The following CHD9 variants were observed in gnomAD, a reference collection of about 807,000 sequenced individuals.
The protein encoded by CHD9 is ATP-dependent chromatin remodeler CHD9.
A neutral mutation model predicts 316.1 loss-of-function variants in CHD9; 77 were observed. The ratio of observed to expected loss-of-function variants is 0.24; its 90% CI spans 0.20 to 0.29. The LOEUF (loss-of-function observed/expected upper bound fraction) is 0.29. Ranked by LOEUF, CHD9 falls within the 10% of genes least tolerant of loss-of-function variation. CHD9 has a pLI of 1.00. For missense variants in CHD9, 2,763 were observed against 3,438.1 expected (o/e 0.80, Z 4.91); for synonymous variants, 1,129 against 1,158.3 (o/e 0.97, Z 0.51).
At chr16:53,279,023 G>A (rs2053146519) in intron 24 of CHD9, among the ~76,000 whole-genome samples, 2 of 152,130 alleles carry the variant, frequency 1.3e-5, no homozygotes, top group Admixed American at 6.5e-5. Flanking sequence ...ATACCCAAAG[G>A]ATTATAAAAC....
At chr16:53,072,324 T>TA (rs1044827050) in intron 1 of CHD9, among the ~76,000 whole-genome samples, 6 of 151,660 alleles carry the variant, frequency 4.0e-5, no homozygotes, top group Non-Finnish European at 7.4e-5. Context: ...ATAAGTCTTT[T>TA]TTTTTTTTTA....
chr16:53,127,683 G>A (rs1450646169), intron 1 of CHD9, among the ~76,000 whole-genome samples: 2 of 152,156 alleles, frequency 1.3e-5, no homozygotes, highest in African/African-American at 4.8e-5. Context: ...CACTTTGAGA[G>A]GCTGAGGTGG....
intron 2 of CHD9, among the ~76,000 whole-genome samples, chr16:53,207,341 T>A (rs139802938): frequency 4.3e-4 from 66 of 152,314 alleles, no homozygotes; most frequent in African/African-American, 1.6e-3. Flanking sequence ...AACTCATCAG[T>A]GCAGTTAAAA....
Position 53,315,011 on chromosome 16 carries a change from G to A in CHD9, c.7551G>A (p.Pro2517=), listed in dbSNP as rs781661238. The A allele has an allele frequency of 1.2e-5, 20 of 1,613,592 alleles. No homozygotes were observed. Among genetic ancestry groups the A allele is most frequent in the East Asian group, 1.1e-4 (5 of 44,854 alleles). Residue 2517 remains proline (P), a synonymous_variant, in exon 36 of 39, where the codon CCG becomes CCA. Transcript: ENST00000447540. ...KDLEKWLKEH[P]GYVEDLGAFI... The stretch of plus-strand genomic sequence containing the variant: ...TGGAAAAATGGCTTAAGGAGCACCC[G>A]GGTTATGTGGAAGATTTGGGAGCTT...
At chr16:53,092,322 A>G (rs2036015578) in intron 1 of CHD9, among the ~76,000 whole-genome samples, 1 of 152,216 alleles carries the variant, frequency 6.6e-6, no homozygotes, top group Non-Finnish European at 1.5e-5. Context: ...TTATTTAAAT[A>G]TACTTTTAAC....
chr16:53,256,957 T>C (rs1391326788), intron 19 of CHD9, among the ~76,000 whole-genome samples: 2 of 152,096 alleles, frequency 1.3e-5, no homozygotes, highest in Non-Finnish European at 2.9e-5. Context: ...GACTAATAAA[T>C]TCTTGTGTCA....
Position 53,304,183 on chromosome 16 carries a change from T to G in CHD9, c.6177T>G (p.Ser2059=). Residue 2059 remains serine (S), a synonymous_variant, in exon 31 of 39, where the codon TCT becomes TCG. Transcript: ENST00000447540. Reference sequence around the variant, plus strand: ...ACCTTAAAGAGGAGCCTCAGTCTTCTGAAGAAGAATCTATGTCTTCTGTGG... The same window carrying G: ...ACCTTAAAGAGGAGCCTCAGTCTTCGGAAGAAGAATCTATGTCTTCTGTGG... The part of the protein sequence containing the change: ...SENLKEEPQS[S]EEESMSSVET... 1 of 1,612,128 alleles carries G rather than the reference T, an allele frequency of 6.2e-7. No individual in the cohort carries two copies. The highest frequency in any genetic ancestry group is 8.5e-7 in the Non-Finnish European group (1 of 1,178,970).
At chr16:53,196,892 G>A (rs2044971981) in intron 2 of CHD9, among the ~76,000 whole-genome samples, 1 of 152,174 alleles carries the variant, frequency 6.6e-6, no homozygotes. Context: ...GTTTTCTTGA[G>A]TTGAAGATTT....
intron 19 of CHD9, among the ~76,000 whole-genome samples, chr16:53,259,298 A>G (rs1343937757): frequency 6.6e-6 from 1 of 152,184 alleles, no homozygotes; most frequent in African/African-American, 2.4e-5. Flanking sequence ...GAATGTAACA[A>G]AGCTATTTAA....
At chr16:53,175,106 G>T (rs1481259999) in intron 2 of CHD9, among the ~76,000 whole-genome samples, 1 of 152,128 alleles carries the variant, frequency 6.6e-6, no homozygotes, top group African/African-American at 2.4e-5. Context: ...TTTTACTGTG[G>T]CTAATGGGAA....
rs776921609 is a variant in CHD9 at position 53,263,084 on chromosome 16, C to A, written c.4307C>A (p.Ala1436Asp). 1.9e-6 allele frequency: 3 copies of A among 1,609,500 alleles called. No homozygotes were observed. The highest frequency in any genetic ancestry group is 1.7e-6 in the Non-Finnish European group (2 of 1,177,130). Residue 1436 changes from alanine to aspartate, a missense_variant, in exon 20 of 39, where the codon GCC (alanine) becomes GAC (aspartate). Transcript: ENST00000447540. ...AAAAAGGCAGAAATAGATATAGAGG[C>A]CATCAGTGGCAGAGTAAGTATTTTT... ...WAKKAEIDIE[A>D]ISGRNSLVID...
intron 1 of CHD9, chr16:53,121,446 TTA>T (rs951857864): frequency 8.8e-6 from 4 of 455,930 alleles, no homozygotes; most frequent in African/African-American, 6.0e-5. Flanking sequence ...AAGCAGCTGT[TTA>T]TAAAAGCAGA....
rs575845173 is a variant in CHD9 at position 53,156,028 on chromosome 16, A to C, written c.-62A>C. On this transcript the variant is annotated 5_prime_UTR_variant, in exon 2 of 39. Coordinates refer to ENST00000447540, the MANE Select transcript of CHD9 (RefSeq NM_001308319.2). ...CGGAAATGATCCAATAATATCTACTATAGAGAAGCTGAATATACTCCATTT... is the reference window on the plus strand; with the variant it reads ...CGGAAATGATCCAATAATATCTACTCTAGAGAAGCTGAATATACTCCATTT... The C allele has an allele frequency of 2.4e-5, 36 of 1,492,934 alleles. No homozygotes were observed. The African/African-American group carries it at 3.5e-4, about 14-fold the overall frequency. The allele number at this position is 1,492,934 out of a possible 1,614,324, so 92.5% of individuals were successfully genotyped here.
intron 1 of CHD9, among the ~76,000 whole-genome samples, chr16:53,093,425 T>TATC (rs1232365952): frequency 6.6e-6 from 1 of 152,204 alleles, no homozygotes; most frequent in Non-Finnish European, 1.5e-5. Context: ...TGTTAGGGAT[T>TATC]ATCATCATCA....
intron 1 of CHD9, among the ~76,000 whole-genome samples, chr16:53,141,900 A>G (rs1444261579): frequency 6.6e-6 from 1 of 152,170 alleles, no homozygotes; most frequent in Non-Finnish European, 1.5e-5. Flanking sequence ...GGCATAGAGA[A>G]CATATTAATG....
chr16:53,117,118 G>A (rs1487455394), intron 1 of CHD9, among the ~76,000 whole-genome samples: 1 of 152,104 alleles, frequency 6.6e-6, no homozygotes, highest in Non-Finnish European at 1.5e-5. Context: ...AATAGCTAAT[G>A]CATGCTGGGA....
At position 53,324,425 on chromosome 16, in the gene CHD9, A is replaced by C; in HGVS notation, c.8224A>C (p.Lys2742Gln). Reference sequence around the variant, plus strand: ...GCCTACGGAATCTGGGACAGAAGACAAAAAGGGAAGTGACTCTAAGGAGTC... The same window carrying C: ...GCCTACGGAATCTGGGACAGAAGACCAAAAGGGAAGTGACTCTAAGGAGTC... Reference protein sequence around the residue: ...TKPTESGTEDKKGSDSKESEG... With the variant: ...TKPTESGTEDQKGSDSKESEG... Residue 2742 changes from lysine (K) to glutamine (Q), a missense_variant, in exon 39 of 39, where the codon AAA becomes CAA. By Grantham distance (53) the Lys-to-Gln change is moderately conservative (BLOSUM62 1). Around this residue, in one of 15 missense-constraint regions of CHD9, gnomAD observed 298 missense variants for 380.2 expected, o/e 0.78. Transcript: ENST00000447540. 6.2e-7 allele frequency: 1 copy of C among 1,614,046 alleles called. No individual in the cohort carries two copies. The highest frequency in any genetic ancestry group is 2.2e-5 in the East Asian group (1 of 44,888).
intron 2 of CHD9, among the ~76,000 whole-genome samples, chr16:53,184,411 A>G (rs1315123380): frequency 1.3e-5 from 2 of 152,018 alleles, no homozygotes; most frequent in African/African-American, 2.4e-5. Flanking sequence ...TTCATGGCTC[A>G]CTGCAGCCTC....
At chr16:53,179,832 G>A (rs954011628) in intron 2 of CHD9, among the ~76,000 whole-genome samples, 4 of 151,782 alleles carry the variant, frequency 2.6e-5, no homozygotes, top group Admixed American at 6.6e-5. Flanking sequence ...GGGAGGCAGA[G>A]GTTGCAGTGA....
Sources: allele counts gnomAD v4.1 joint callset (sites outside exome capture counted in the v4.1 genomes callset), GRCh38; gene constraint gnomAD v4.1.1; regional missense constraint gnomAD v4.1.1; transcripts MANE v1.5; gene names NCBI Gene and HGNC (gene_info 2026-07-23, HGNC 2026-07-21).